The following FADS2 variants were observed in gnomAD, a reference collection of about 807,000 sequenced individuals.
FADS2 encodes acyl-CoA 6-desaturase.
Under a neutral mutation model 61.2 loss-of-function variants are expected in FADS2, and 18 were observed. The ratio of observed to expected loss-of-function variants is 0.29; its 90% CI spans 0.20 to 0.44. FADS2 has a LOEUF of 0.44. Among genes scored for constraint, FADS2 ranks in the 20% least tolerant of loss-of-function variants. The pLI is 1.00. For missense variants in FADS2, 322 were observed against 572.7 expected, an observed-to-expected ratio of 0.56 and a Z score of 4.47; for synonymous variants, 203 against 223.9, an observed-to-expected ratio of 0.91 and a Z score of 0.83.
intron 7 of FADS2, among the ~76,000 whole-genome samples, chr11:61,857,830 T>TCC (rs1160161309): frequency 6.6e-6 from 1 of 151,926 alleles, no homozygotes; most frequent in East Asian, 1.9e-4. Flanking sequence ...CCATCTCCCT[T>TCC]CCCCGCTCCC....
chr11:61,822,734 T>C (rs1276391066), intron 1 of FADS2, among the ~76,000 whole-genome samples: 2 of 152,200 alleles, frequency 1.3e-5, no homozygotes, highest in Non-Finnish European at 2.9e-5. Context: ...AAAGCTAAGC[T>C]TAAAATTTTA....
chr11:61,844,797 C>T (rs184516946), intron 4 of FADS2, among the ~76,000 whole-genome samples: 145 of 147,016 alleles, frequency 9.9e-4, no homozygotes, highest in Admixed American at 1.6e-3. Context: ...TGGTGGCACA[C>T]GCCTGCAGTC....
upstream of FADS2, chr11:61,828,246 G>A: frequency 7.0e-7 from 1 of 1,436,750 alleles, no homozygotes; most frequent in Non-Finnish European, 9.1e-7. The surrounding 1 kb of genome is among the most constrained non-coding windows in gnomAD (Gnocchi z 6.4). Flanking sequence ...GGGGGAGGGG[G>A]CGCGGTGGGA....
At chr11:61,823,586 G>A (rs929367632), upstream of FADS2, among the ~76,000 whole-genome samples, 3 of 152,164 alleles carry the variant, frequency 2.0e-5, no homozygotes, top group African/African-American at 4.8e-5. Context: ...GCACGATCAT[G>A]GATCACTGAA....
chr11:61,833,932 C>T (rs1423779469), intron 1 of FADS2, among the ~76,000 whole-genome samples: 1 of 152,220 alleles, frequency 6.6e-6, no homozygotes, highest in South Asian at 2.1e-4. Context: ...TTTATTGCAG[C>T]GAACAAGACA....
intron 2 of FADS2, 95 bp downstream of exon 2, chr11:61,837,983 G>A (rs2067188532): frequency 2.3e-6 from 2 of 857,004 alleles, no homozygotes; most frequent in Non-Finnish European, 3.8e-6. Context: ...ACCAGTAACT[G>A]GGGCTGAGGC....
In FADS2 at chr11:61,848,095, G is replaced by A. The variant is rs1026024985; in HGVS notation, c.619-64G>A. Reference sequence around the variant, plus strand: ...CGGGAACTGCTCCTAAGAAGGGCCTGTTACAAGCGAGCTCGGTTCCCTGGT... The same window carrying A: ...CGGGAACTGCTCCTAAGAAGGGCCTATTACAAGCGAGCTCGGTTCCCTGGT... On this transcript the variant is annotated intron_variant, in intron 4 of 11. Coordinates refer to ENST00000278840, the MANE Select transcript of FADS2 (RefSeq NM_004265.4). 5 of 1,610,506 alleles carry A rather than the reference G, an allele frequency of 3.1e-6. No homozygotes were observed. The African/African-American group carries it at 4.0e-5, about 13-fold the overall frequency.
chr11:61,860,426 G>A (rs1257180715), intron 7 of FADS2, among the ~76,000 whole-genome samples: 1 of 152,166 alleles, frequency 6.6e-6, no homozygotes, highest in Non-Finnish European at 1.5e-5. Flanking sequence ...ATGCTCCCAC[G>A]CTTCACCCTC....
intron 1 of FADS2, among the ~76,000 whole-genome samples, chr11:61,834,633 G>A (rs2067155819): frequency 6.6e-6 from 1 of 152,186 alleles, no homozygotes; most frequent in Admixed American, 6.5e-5. Flanking sequence ...GAGTGGAGAT[G>A]AGTCTATTTG....
chr11:61,826,415 T>C (rs2135951664), upstream of FADS2: 2 of 701,432 alleles, frequency 2.9e-6, no homozygotes, highest in Admixed American at 4.0e-5. Flanking sequence ...AAAGCCTCTG[T>C]GAGATACTCC....
intron 5 of FADS2, among the ~76,000 whole-genome samples, chr11:61,850,562 G>A (rs983347428): frequency 8.6e-5 from 13 of 151,896 alleles, no homozygotes; most frequent in Admixed American, 5.2e-4. Flanking sequence ...AATTTCTTTT[G>A]AATAAAAGCC....
intron 1 of FADS2, among the ~76,000 whole-genome samples, chr11:61,831,194 A>T (rs1033547076): frequency 1.3e-5 from 2 of 152,200 alleles, no homozygotes; most frequent in Non-Finnish European, 2.9e-5. Context: ...AGAGAGAAGC[A>T]GGAACAGGCT....
chr11:61,842,248 C>T (rs776932292), intron 4 of FADS2, among the ~76,000 whole-genome samples: 26 of 152,220 alleles, frequency 1.7e-4, no homozygotes, highest in Non-Finnish European at 2.8e-4. Flanking sequence ...AGTTTCGCAG[C>T]GAGCAGCTTG....
At chr11:61,844,506 G>A (rs2067239875) in intron 4 of FADS2, among the ~76,000 whole-genome samples, 1 of 150,226 alleles carries the variant, frequency 6.7e-6, no homozygotes, top group Admixed American at 6.6e-5. Flanking sequence ...CCGAGATCGT[G>A]CCACAGCCCT....
upstream of FADS2, among the ~76,000 whole-genome samples, chr11:61,825,688 C>T (rs1411905629): frequency 4.7e-5 from 7 of 149,410 alleles, no homozygotes; most frequent in Admixed American, 6.7e-5. Flanking sequence ...GTCAGGAGAT[C>T]GAGACCATCC....
At chr11:61,844,484 G>A (rs566380600) in intron 4 of FADS2, among the ~76,000 whole-genome samples, 115 of 152,236 alleles carry the variant, frequency 7.6e-4, no homozygotes, top group Non-Finnish European at 8.8e-4. Context: ...GGGAGGTGGA[G>A]GTTGCAGTGA....
At chr11:61,841,662 C>T (rs750092382) in intron 4 of FADS2, among the ~76,000 whole-genome samples, 27 of 152,148 alleles carry the variant, frequency 1.8e-4, no homozygotes, top group Admixed American at 6.5e-5. Flanking sequence ...CCCATTCTCT[C>T]CTTCCTCATC....
upstream of FADS2, chr11:61,816,255 C>CAG: frequency 6.3e-7 from 1 of 1,597,782 alleles, no homozygotes; most frequent in Non-Finnish European, 8.5e-7. This position sits in a 1 kb window ranked among gnomAD's most constrained non-coding sequence, Gnocchi z 7.0. Flanking sequence ...TGTCCCCGCC[C>CAG]AGAGACCTGA....
chr11:61,836,024 A>C (rs949550704), intron 1 of FADS2, among the ~76,000 whole-genome samples: 4 of 152,146 alleles, frequency 2.6e-5, no homozygotes, highest in Admixed American at 1.3e-4. Flanking sequence ...CTCCCGAAAA[A>C]CCTGGTATAA....
Sources: gnomAD v4.1 joint callset for allele counts (sites outside exome capture counted in the v4.1 genomes callset) on GRCh38, gnomAD v4.1.1 for gene constraint, Gnocchi (gnomAD v3.1) non-coding constraint, MANE v1.5 for transcripts, NCBI Gene and HGNC (gene_info 2026-07-23, HGNC 2026-07-21) for gene names.